The following SLC29A3 variants were observed in gnomAD, a reference collection of about 807,000 sequenced individuals.
SLC29A3 encodes solute carrier family 29 member 3, also known as equilibrative nucleoside transporter 3.
In SLC29A3, 18 loss-of-function variants were observed where a neutral mutation model predicts 25.4. The ratio of observed to expected loss-of-function variants is 0.71; its 90% CI spans 0.49 to 1.05. The LOEUF (loss-of-function observed/expected upper bound fraction) is 1.05. Among genes scored for constraint, SLC29A3 ranks in the 50% least tolerant of loss-of-function variants. The pLI is 0.00. For missense variants in SLC29A3, 586 were observed against 609.0 expected, an observed-to-expected ratio of 0.96 and a Z score of 0.40; for synonymous variants, 258 against 267.1, an observed-to-expected ratio of 0.97 and a Z score of 0.33.
chr10:71,379,090 G>GC (rs1381314449), intron 4 of SLC29A3, among the ~76,000 whole-genome samples: 1 of 152,192 alleles, frequency 6.6e-6, no homozygotes, highest in Admixed American at 6.5e-5. Flanking sequence ...GGGAGATGTT[G>GC]CCCCCCAACG....
intron 4 of SLC29A3, among the ~76,000 whole-genome samples, chr10:71,378,730 G>C (rs1008778855): frequency 6.6e-6 from 1 of 152,218 alleles, no homozygotes; most frequent in African/African-American, 2.4e-5. Context: ...GTTTGAGAAC[G>C]ACTGTTCTGC....
intron 5 of SLC29A3, among the ~76,000 whole-genome samples, chr10:71,359,418 C>T (rs1029874378): frequency 6.6e-6 from 1 of 152,132 alleles, no homozygotes; most frequent in Non-Finnish European, 1.5e-5. Context: ...GGAAGAGCTG[C>T]GACCAGAGGA....
intron 2 of SLC29A3, among the ~76,000 whole-genome samples, chr10:71,331,493 A>G (rs1846116388): frequency 6.6e-6 from 1 of 152,212 alleles, no homozygotes; most frequent in Admixed American, 6.5e-5. Flanking sequence ...GGAAAAACGC[A>G]TGATGAAGAA....
chr10:71,341,314 G>C (rs1464103442), intron 2 of SLC29A3, among the ~76,000 whole-genome samples: 1 of 152,174 alleles, frequency 6.6e-6, no homozygotes, highest in Non-Finnish European at 1.5e-5. Flanking sequence ...TTACCTGAGG[G>C]GCAGGCAGGG....
chr10:71,346,556 T>G (rs1299551236), intron 3 of SLC29A3, among the ~76,000 whole-genome samples: 1 of 152,108 alleles, frequency 6.6e-6, no homozygotes, highest in Non-Finnish European at 1.5e-5. Flanking sequence ...TTTTAAAAAA[T>G]TAGCCTGGCA....
At chr10:71,352,733 T>C (rs1040886656) in intron 4 of SLC29A3, 1 of 152,274 alleles carries the variant, frequency 6.6e-6, no homozygotes, top group Non-Finnish European at 1.5e-5. Flanking sequence ...TTGATGCTGA[T>C]GTTGATGAGC....
chr10:71,323,865 G>T (rs966790491), intron 2 of SLC29A3, among the ~76,000 whole-genome samples: 1 of 152,182 alleles, frequency 6.6e-6, no homozygotes, highest in Non-Finnish European at 1.5e-5. Flanking sequence ...AGGTGTGTAT[G>T]ACAAACTGTG....
chr10:71,351,022 T>C (rs1393415166), intron 3 of SLC29A3, among the ~76,000 whole-genome samples: 1 of 152,198 alleles, frequency 6.6e-6, no homozygotes, highest in Admixed American at 6.5e-5. Context: ...GCGACGATGA[T>C]GATGAAGATG....
intron 2 of SLC29A3, among the ~76,000 whole-genome samples, chr10:71,338,807 T>G (rs185606845): frequency 1.0e-3 from 153 of 152,238 alleles, no homozygotes; most frequent in Non-Finnish European, 1.9e-3. Context: ...CTTGGGCAGG[T>G]CACCTGCACC....
chr10:71,340,203 C>G (rs1846363389), intron 2 of SLC29A3, among the ~76,000 whole-genome samples: 1 of 152,226 alleles, frequency 6.6e-6, no homozygotes, highest in African/African-American at 2.4e-5. Context: ...TCCAGCCCTG[C>G]CTTCTTGCTG....
chr10:71,333,706 C>A (rs527308952), intron 2 of SLC29A3, among the ~76,000 whole-genome samples: 7 of 152,368 alleles, frequency 4.6e-5, no homozygotes, highest in Admixed American at 4.6e-4. Context: ...TCTTGAAAGG[C>A]CTTCTTCCTC....
rs1473013203 is a variant in SLC29A3, at chr10:71,363,346, G to T, written c.*738G>T. The T allele has an allele frequency of 2.2e-6, 1 of 454,140 alleles. No homozygotes were observed. 28.1% of individuals were successfully genotyped at this position (454,140 alleles called of 1,614,324 possible). On this transcript the variant is annotated 3_prime_UTR_variant, in exon 6 of 6. Transcript: ENST00000373189. ...GTGTTCCTGTTTACAACATGTCAAA[G>T]CCATTGGTTCAAGGGCGTAATAAAT...
intron 2 of SLC29A3, among the ~76,000 whole-genome samples, chr10:71,329,815 A>G (rs1008299566): frequency 2.0e-5 from 3 of 152,214 alleles, no homozygotes; most frequent in Non-Finnish European, 4.4e-5. Context: ...AGTACCCATT[A>G]ACCCATTAAA....
chr10:71,328,036 C>T (rs1480748587), intron 2 of SLC29A3, among the ~76,000 whole-genome samples: 8 of 152,174 alleles, frequency 5.3e-5, no homozygotes, highest in Admixed American at 4.6e-4. Flanking sequence ...AGAAGAGTGT[C>T]TGCACCTTCT....
intron 1 of SLC29A3, among the ~76,000 whole-genome samples, chr10:71,321,554 A>C (rs772338300): frequency 3.9e-5 from 6 of 152,234 alleles, no homozygotes; most frequent in Non-Finnish European, 2.9e-5. Flanking sequence ...CTTACAGCCA[A>C]ATTCAGCAGC....
At chr10:71,341,560 C>T (rs1846410353) in intron 2 of SLC29A3, among the ~76,000 whole-genome samples, 2 of 152,144 alleles carry the variant, frequency 1.3e-5, no homozygotes, top group African/African-American at 4.8e-5. Context: ...TAAATTGAAA[C>T]AGGAAGGCTG....
At chr10:71,358,104 A>ACAAGCATGCCCCAGGTCACTCAC (rs1846962002) in intron 5 of SLC29A3, among the ~76,000 whole-genome samples, 1 of 152,196 alleles carries the variant, frequency 6.6e-6, no homozygotes, top group Admixed American at 6.5e-5. Flanking sequence ...TGGAGAGTTC[A>ACAAGCATGCCCCAGGTCACTCAC]CAAGCATGCC....
At chr10:71,344,069 G>T in intron 2 of SLC29A3, 140 bp from the exon 3 acceptor site, 1 of 737,688 alleles carries the variant, frequency 1.4e-6, no homozygotes, top group Non-Finnish European at 2.4e-6. Flanking sequence ...CTTGTTTGGA[G>T]GTGGGCTCAC....
rs759537306 is a variant in SLC29A3, at chr10:71,356,062, T to G, written c.611-19T>G. The G allele has an allele frequency of 3.1e-6, 5 of 1,613,296 alleles. No homozygotes were observed. Among genetic ancestry groups the G allele is most frequent in the Non-Finnish European group, 4.2e-6 (5 of 1,180,018 alleles). On this transcript the variant is annotated intron_variant, in intron 4 of 5. Transcript: ENST00000373189. The stretch of plus-strand genomic sequence containing the variant: ...TCGCCCACCCCTCACCATCTCTGCG[T>G]GTCCTCTGTTCTCTGCAGGAGGAGC...
Sources: gnomAD v4.1 joint callset for allele counts (sites outside exome capture counted in the v4.1 genomes callset) on GRCh38, gnomAD v4.1.1 for gene constraint, MANE v1.5 for transcripts, NCBI Gene and HGNC (gene_info 2026-07-23, HGNC 2026-07-21) for gene names.